GARNL3: variants seen among roughly 807,000 people sequenced by gnomAD.
GARNL3 encodes GTPase activating Rap/RanGAP domain like 3, also known as GTPase-activating Rap/Ran-GAP domain-like protein 3.
GARNL3 carries 63 observed loss-of-function variants against 125.0 expected under a neutral mutation model. The observed-to-expected ratio is 0.50, with a 90% CI of 0.41 to 0.62. The LOEUF (loss-of-function observed/expected upper bound fraction) is 0.62. Among genes scored for constraint, GARNL3 ranks in the 20% least tolerant of loss-of-function variants. GARNL3 has a pLI of 0.00. For missense variants in GARNL3, 994 were observed against 1,244.0 expected (o/e 0.80, Z 3.02); for synonymous variants, 439 against 457.5 (o/e 0.96, Z 0.52).
At chr9:127,283,053 C>T (rs534358053) in intron 1 of GARNL3, among the ~76,000 whole-genome samples, 1 of 152,032 alleles carries the variant, frequency 6.6e-6, no homozygotes, top group East Asian at 1.9e-4. Context: ...GAACACTGTT[C>T]AGTGTTAAAT....
At chr9:127,246,574 G>A (rs1048331312) in intron 2 of GARNL3, among the ~76,000 whole-genome samples, 5 of 152,184 alleles carry the variant, frequency 3.3e-5, no homozygotes, top group Non-Finnish European at 5.9e-5. Flanking sequence ...GAGAGGCCAA[G>A]GTGGGTGGAT....
chr9:127,332,758 G>A (rs1829333030), intron 8 of GARNL3, among the ~76,000 whole-genome samples: 1 of 152,122 alleles, frequency 6.6e-6, no homozygotes, highest in Non-Finnish European at 1.5e-5. Flanking sequence ...TAACATTTTT[G>A]TTTTGCGATA....
rs570456110 is a variant in GARNL3, at chr9:127,347,413, C to A, written c.1432-1511C>A. Among the ~76,000 whole-genome samples, 3 of 152,214 alleles carry A rather than the reference C, an allele frequency of 2.0e-5. No individual in the cohort carries two copies. The South Asian group carries it at 6.2e-4, about 32-fold the overall frequency. On this transcript the variant is annotated intron_variant, in intron 16 of 27. Coordinates refer to ENST00000373387, the MANE Select transcript of GARNL3 (RefSeq NM_032293.5). ...CTCCAGCCTGGGTGACAGAGCAAGA[C>A]CTCGTCTCAAAATAAAATTTAAAAA...
At chr9:127,391,276 C>T (rs1046272268) in intron 27 of GARNL3, among the ~76,000 whole-genome samples, 1 of 148,584 alleles carries the variant, frequency 6.7e-6, no homozygotes, top group Non-Finnish European at 1.5e-5. Flanking sequence ...CAGAGCAAGA[C>T]TTCATCTCAA....
intron 1 of GARNL3, among the ~76,000 whole-genome samples, chr9:127,287,150 T>C (rs1371368416): frequency 3.3e-5 from 5 of 152,170 alleles, no homozygotes; most frequent in African/African-American, 1.2e-4. Context: ...TGGCCACCTC[T>C]AGGGAAATGG....
chr9:127,380,768 G>A (rs866975290), intron 22 of GARNL3, among the ~76,000 whole-genome samples: 4 of 152,246 alleles, frequency 2.6e-5, no homozygotes, highest in South Asian at 4.1e-4. Context: ...GTTGACCAGG[G>A]CTAGGGGAAG....
intron 14 of GARNL3, 56 bp downstream of exon 14, chr9:127,342,390 A>G: frequency 8.6e-7 from 1 of 1,157,640 alleles, no homozygotes; most frequent in East Asian, 2.3e-5. Flanking sequence ...TTGAGAACAC[A>G]AGTCCTCAAC....
intron 2 of GARNL3, among the ~76,000 whole-genome samples, chr9:127,306,173 T>C (rs1445714644): frequency 6.6e-6 from 1 of 151,116 alleles, no homozygotes; most frequent in African/African-American, 2.4e-5. Context: ...AGAATAATGT[T>C]TTTAAATACA....
intron 6 of GARNL3, 42 bp downstream of exon 6, chr9:127,320,820 T>G: frequency 7.5e-7 from 1 of 1,327,610 alleles, no homozygotes; most frequent in Non-Finnish European, 1.1e-6. Flanking sequence ...CAAAATTGAT[T>G]ACAGTGTTAG....
chr9:127,331,598 T>C (rs1829245231), intron 7 of GARNL3, among the ~76,000 whole-genome samples: 1 of 151,952 alleles, frequency 6.6e-6, no homozygotes, highest in African/African-American at 2.4e-5. Flanking sequence ...TCCTCTGTCT[T>C]CCTCCCTTCC....
intron 1 of GARNL3, among the ~76,000 whole-genome samples, chr9:127,268,969 C>T (rs1794927197): frequency 6.6e-6 from 1 of 152,128 alleles, no homozygotes; most frequent in Non-Finnish European, 1.5e-5. Flanking sequence ...TATTGATACA[C>T]CACATTTTGT....
chr9:127,226,150 C>T (rs906796560), intron 1 of GARNL3, among the ~76,000 whole-genome samples: 2 of 152,254 alleles, frequency 1.3e-5, no homozygotes, highest in African/African-American at 4.8e-5. Context: ...CGTGACTGTG[C>T]CCTTCGCGGC....
intron 2 of GARNL3, among the ~76,000 whole-genome samples, chr9:127,302,469 T>C (rs1029892477): frequency 6.6e-6 from 1 of 152,210 alleles, no homozygotes; most frequent in Non-Finnish European, 1.5e-5. Flanking sequence ...AACTGGTTAG[T>C]GGCCATTAGA....
chr9:127,378,243 CAA>C (rs386361566), intron 22 of GARNL3, among the ~76,000 whole-genome samples: 2,281 of 88,194 alleles, frequency 0.026, 54 homozygotes, highest in Non-Finnish European at 0.034. Context: ...GACTCTGTCT[CAA>C]AAAAAAAAAA....
intron 2 of GARNL3, among the ~76,000 whole-genome samples, chr9:127,251,024 C>T (rs1461683434): frequency 6.6e-6 from 1 of 152,154 alleles, no homozygotes. Context: ...CTTTCATATT[C>T]CTCAAGGACC....
Position 127,332,955 on chromosome 9 carries a change from G to A in GARNL3, c.671-68G>A, listed in dbSNP as rs778941302. 6.5e-5 allele frequency: 70 copies of A among 1,069,264 alleles called. No homozygotes were observed. The Middle Eastern group carries it at 7.9e-4, about 12-fold the overall frequency. The allele number at this position is 1,069,264 out of a possible 1,614,324, so 66.2% of individuals were successfully genotyped here. Reference sequence around the variant, plus strand: ...GCCCAGTTAATTTTCCAGCGATTCCGGTCCATAGTTAGAAAATGAGGACTT... The same window carrying A: ...GCCCAGTTAATTTTCCAGCGATTCCAGTCCATAGTTAGAAAATGAGGACTT... On this transcript the variant is annotated intron_variant, in intron 8 of 27. Coordinates refer to ENST00000373387, the MANE Select transcript of GARNL3 (RefSeq NM_032293.5).
At position 127,344,457 on chromosome 9, in the gene GARNL3, G is replaced by A. The variant is rs754634483; in HGVS notation, c.1356+118G>A. 260 of 727,818 alleles carry A rather than the reference G, an allele frequency of 3.6e-4. 1 individual carries two copies. The highest frequency in any genetic ancestry group is 7.2e-5 in the Admixed American group (3 of 41,514). 45.1% of individuals were successfully genotyped at this position (727,818 alleles called of 1,614,324 possible). On this transcript the variant is annotated intron_variant, in intron 15 of 27. Transcript: ENST00000373387. ...CTGCTGTAGGAGCTCTGTAATTTCT[G>A]TTAGGATTGTTGTGGCAACCACGAG...
chr9:127,259,790 A>T (rs1281877307), upstream of GARNL3, among the ~76,000 whole-genome samples: 1 of 152,138 alleles, frequency 6.6e-6, no homozygotes, highest in Non-Finnish European at 1.5e-5. Flanking sequence ...TAATCCCAGC[A>T]CTTTGGAAAC....
rs192678432 is a variant in GARNL3, at chr9:127,360,829, G to A, written c.2094+3452G>A. On this transcript the variant is annotated intron_variant, in intron 21 of 27. Coordinates refer to ENST00000373387, the MANE Select transcript of GARNL3 (RefSeq NM_032293.5). ...CCTATTTCAGGCTTGTACCCACCCC[G>A]GGTTCTGTAACAATCCTAGCTCAAG... 6.6e-5 allele frequency among the ~76,000 whole-genome samples: 10 copies of A among 152,276 alleles called. No individual in the cohort carries two copies. The South Asian group carries it at 8.3e-4, about 13-fold the overall frequency.
Sources: gnomAD v4.1 joint callset for allele counts (sites outside exome capture counted in the v4.1 genomes callset) on GRCh38, gnomAD v4.1.1 for gene constraint, MANE v1.5 for transcripts, NCBI Gene and HGNC (gene_info 2026-07-23, HGNC 2026-07-21) for gene names.